ZNF577: variants seen among roughly 807,000 people sequenced by gnomAD.
ZNF577 encodes the protein zinc finger protein 577.
A neutral mutation model predicts 13.9 loss-of-function variants in ZNF577; 14 were observed. That is an observed-to-expected ratio of 1.00 (90% CI 0.66 to 1.57). The LOEUF (loss-of-function observed/expected upper bound fraction) is 1.57. ZNF577 is among the 40% of genes most tolerant of loss of function. ZNF577 has a pLI of 0.00. For missense variants in ZNF577, 555 were observed against 579.2 expected (o/e 0.96, Z 0.43); for synonymous variants, 203 against 202.9 (o/e 1.00, Z 0.00).
At position 51,869,091 on chromosome 19, in the gene ZNF577, A is replaced by T. The variant is rs1411632666; in HGVS notation, c.*3441T>A. ...ACAGCCTGAGATATGGCCTCGTGGG[A>T]AGGGAAAGACCTGACCGTCCCCAAG... On this transcript the variant is annotated 3_prime_UTR_variant, in exon 6 of 6. Transcript: ENST00000638348. Among the ~76,000 whole-genome samples, 3 of 152,058 alleles carry T rather than the reference A, an allele frequency of 2.0e-5. No homozygotes were observed. Among genetic ancestry groups the T allele is most frequent in the Non-Finnish European group, 4.4e-5 (3 of 68,008 alleles).
At chr19:51,815,321 G>A (rs565292722) in intron 9 of ZNF577, among the ~76,000 whole-genome samples, 2 of 152,116 alleles carry the variant, frequency 1.3e-5, no homozygotes, top group African/African-American at 4.8e-5. Flanking sequence ...CAGCACTCTC[G>A]AAGGCCGAGG....
At chr19:51,835,987 C>T (rs2122528623) in intron 9 of ZNF577, among the ~76,000 whole-genome samples, 1 of 152,316 alleles carries the variant, frequency 6.6e-6, no homozygotes, top group Admixed American at 6.5e-5. Context: ...GCCACCGCAC[C>T]CGACCTTGAA....
chr19:51,824,275 G>A lies in ZNF577; in HGVS notation c.*600-12601C>T. 6.2e-7 allele frequency: 1 copy of A among 1,614,180 alleles called. No individual in the cohort carries two copies. Among genetic ancestry groups the A allele is most frequent in the South Asian group, 1.1e-5 (1 of 91,082 alleles). On this transcript the variant is annotated intron_variant and NMD_transcript_variant, in intron 9 of 10. Transcript: ENST00000638827. This position sits in a 1 kb window ranked among gnomAD's most constrained non-coding sequence, Gnocchi z 4.7. ...AGTACTACGAATGGGGACACATACT[G>A]TATTTTCAACTTTGCATTCTGGGGT...
chr19:51,810,303 C>T (rs1268464639), intron 10 of ZNF577, among the ~76,000 whole-genome samples: 4 of 152,196 alleles, frequency 2.6e-5, no homozygotes, highest in Admixed American at 6.5e-5. Flanking sequence ...TTACAATCCG[C>T]GTTTGCATCC....
intron 9 of ZNF577, among the ~76,000 whole-genome samples, chr19:51,814,367 G>A (rs538546906): frequency 8.5e-5 from 13 of 152,324 alleles, no homozygotes; most frequent in South Asian, 2.1e-4. Flanking sequence ...TTAGAGCTGC[G>A]TTGCAGGTCC....
chr19:51,873,538 A>AT lies in ZNF577; in HGVS notation c.451dup (p.Ile151AsnfsTer9). 6.2e-7 allele frequency: 1 copy of AT among 1,614,060 alleles called. No homozygotes were observed. Among genetic ancestry groups the AT allele is most frequent in the South Asian group, 1.1e-5 (1 of 91,078 alleles). ...TTCATGTGGTTTCCCTCCTGCACAA[A>AT]TTTTTTGTAGGTCATTGAGCTGTGA... On this transcript the variant is annotated frameshift_variant, in exon 6 of 6. Transcript: ENST00000638348. LOFTEE classifies it low-confidence loss of function (END_TRUNC).
In ZNF577 at chr19:51,887,153, T is replaced by G. The variant is rs998100159; in HGVS notation, c.-551A>C. 2.0e-5 allele frequency: 3 copies of G among 152,068 alleles called. No homozygotes were observed. Among genetic ancestry groups the G allele is most frequent in the South Asian group, 2.1e-4 (1 of 4,824 alleles). The allele number at this position is 152,068 out of a possible 1,614,324, so 9.4% of individuals were successfully genotyped here. On this transcript the variant is annotated 5_prime_UTR_variant, in exon 1 of 6. Transcript: ENST00000638348. ...GATACGTATGGAAAAACACTACAGA[T>G]AGTCAAACAAATAAAAATATTGGGT... is the stretch of plus-strand genomic sequence containing the variant.
chr19:51,818,436 C>T (rs2084160690), intron 9 of ZNF577, among the ~76,000 whole-genome samples: 1 of 152,098 alleles, frequency 6.6e-6, no homozygotes, highest in Non-Finnish European at 1.5e-5. Context: ...AGACACAGCA[C>T]TGAAAGAAGG....
chr19:51,821,591 G>A (rs573258799), intron 9 of ZNF577, among the ~76,000 whole-genome samples: 108 of 152,200 alleles, frequency 7.1e-4, no homozygotes, highest in Non-Finnish European at 1.2e-3. Context: ...ATGACAGGAA[G>A]AAAAGAAGGA....
At chr19:51,852,155 T>C (rs1599853321) in intron 5 of ZNF577, among the ~76,000 whole-genome samples, 2 of 152,226 alleles carry the variant, frequency 1.3e-5, no homozygotes, top group Admixed American at 1.3e-4. Context: ...GAGTCCCAGA[T>C]TCTGATGTCT....
chr19:51,810,502 C>T (rs2084088883), intron 10 of ZNF577, among the ~76,000 whole-genome samples: 2 of 152,300 alleles, frequency 1.3e-5, no homozygotes, highest in South Asian at 4.1e-4. Context: ...CCTGTGCACA[C>T]TGCTGATAAG....
At chr19:51,873,775 C>A in intron 5 of ZNF577, 69 bp from the exon 6 acceptor site, 6 of 1,195,802 alleles carry the variant, frequency 5.0e-6, no homozygotes, top group South Asian at 3.1e-5. Flanking sequence ...AGGAACAATG[C>A]TCTTACATAA....
intron 1 of ZNF577, among the ~76,000 whole-genome samples, chr19:51,885,012 T>C (rs184463127): frequency 1.2e-4 from 18 of 152,382 alleles, no homozygotes; most frequent in African/African-American, 3.1e-4. Context: ...TTTAATCATT[T>C]GAAATGTATT....
chr19:51,814,291 C>G (rs1047432275), intron 9 of ZNF577, among the ~76,000 whole-genome samples: 16 of 152,146 alleles, frequency 1.1e-4, no homozygotes, highest in African/African-American at 3.4e-4. Context: ...CGATTTAGAC[C>G]TTTAACTCTT....
chr19:51,869,485 C>G lies in ZNF577; in HGVS notation c.*3047G>C, dbSNP rs1393628396. On this transcript the variant is annotated 3_prime_UTR_variant, in exon 6 of 6. Coordinates refer to ENST00000638348, the MANE Select transcript of ZNF577 (RefSeq NM_001370449.1). ...CATTACCCTATAGTCCTGCCACATC[C>G]CCCTCTCCGAGATGGTAGAGATAGT... 1.3e-5 allele frequency among the ~76,000 whole-genome samples: 2 copies of G among 152,144 alleles called. No homozygotes were observed. The highest frequency in any genetic ancestry group is 2.9e-5 in the Non-Finnish European group (2 of 68,022).
At chr19:51,806,713 C>T (rs1021491288) in intron 10 of ZNF577, among the ~76,000 whole-genome samples, 3 of 152,188 alleles carry the variant, frequency 2.0e-5, no homozygotes, top group African/African-American at 7.2e-5. Context: ...TAGGTATTCC[C>T]ATATGAGCAA....
chr19:51,812,770 C>T (rs1159939181), intron 9 of ZNF577, among the ~76,000 whole-genome samples: 1 of 152,180 alleles, frequency 6.6e-6, no homozygotes, highest in Admixed American at 6.5e-5. Context: ...TTTAATTCGT[C>T]TCTTAGTCCA....
intron 5 of ZNF577, chr19:51,860,947 C>T (rs2084491766): frequency 2.3e-6 from 1 of 426,132 alleles, no homozygotes; most frequent in South Asian, 1.7e-5. Flanking sequence ...GCATTCCCTC[C>T]ATCTGTAGGG....
At chr19:51,805,701 C>T (rs539672530) in intron 10 of ZNF577, among the ~76,000 whole-genome samples, 26 of 152,144 alleles carry the variant, frequency 1.7e-4, no homozygotes, top group Admixed American at 5.9e-4. Context: ...GTTGGCTGTA[C>T]GTGTCCAATT....
Sources: allele counts gnomAD v4.1 joint callset (sites outside exome capture counted in the v4.1 genomes callset), GRCh38; gene constraint gnomAD v4.1.1; non-coding constraint Gnocchi (gnomAD v3.1); transcripts MANE v1.5; gene names NCBI Gene and HGNC (gene_info 2026-07-23, HGNC 2026-07-21).